The following LUZP2 variants were observed in gnomAD, a reference collection of about 807,000 sequenced individuals.
The protein encoded by LUZP2 is leucine zipper protein 2.
In LUZP2, 52 loss-of-function variants were observed where a neutral mutation model predicts 51.6. The ratio of observed to expected loss-of-function variants is 1.01; its 90% confidence interval spans 0.81 to 1.27. The LOEUF (loss-of-function observed/expected upper bound fraction) is 1.27. LUZP2 is among the 50% of genes most tolerant of loss of function. The pLI is 0.00. For missense variants in LUZP2, 436 were observed against 395.4 expected, an observed-to-expected ratio of 1.10 and a Z score of -0.87; for synonymous variants, 154 against 137.3, an observed-to-expected ratio of 1.12 and a Z score of -0.85.
At chr11:24,824,324 C>T (rs1252105646) in intron 5 of LUZP2, among the ~76,000 whole-genome samples, 1 of 129,820 alleles carries the variant, frequency 7.7e-6, no homozygotes, top group Non-Finnish European at 1.6e-5. Flanking sequence ...CAAGATTACA[C>T]CATTGCACTC....
chr11:24,979,272 A>T (rs550834276), intron 8 of LUZP2, among the ~76,000 whole-genome samples: 11 of 151,874 alleles, frequency 7.2e-5, no homozygotes, highest in African/African-American at 2.6e-4. Context: ...CCTTTTAGTA[A>T]CTATAAATGC....
intron 1 of LUZP2, among the ~76,000 whole-genome samples, chr11:24,516,448 A>G (rs530833068): frequency 6.6e-6 from 1 of 152,330 alleles, no homozygotes; most frequent in African/African-American, 2.4e-5. Flanking sequence ...GCTAAAAGTT[A>G]AAGTTGTGCT....
intron 5 of LUZP2, among the ~76,000 whole-genome samples, chr11:24,820,116 G>GA (rs1407369160): frequency 6.6e-6 from 1 of 151,962 alleles, no homozygotes; most frequent in Non-Finnish European, 1.5e-5. Context: ...TGAGACAAAA[G>GA]AAAAAAATAT....
chr11:24,964,940 G>A (rs1306900973), intron 7 of LUZP2, among the ~76,000 whole-genome samples: 1 of 151,736 alleles, frequency 6.6e-6, no homozygotes, highest in Non-Finnish European at 1.5e-5. Flanking sequence ...TTTAATGATA[G>A]AGTAAGTAAA....
At chr11:25,017,723 G>A (rs990698115) in intron 9 of LUZP2, among the ~76,000 whole-genome samples, 1 of 151,270 alleles carries the variant, frequency 6.6e-6, no homozygotes, top group South Asian at 2.1e-4. Context: ...TGTTGTTGTT[G>A]TTGTTATGTG....
intron 4 of LUZP2, among the ~76,000 whole-genome samples, chr11:24,739,349 A>T (rs1295004876): frequency 6.6e-6 from 1 of 152,006 alleles, no homozygotes; most frequent in Non-Finnish European, 1.5e-5. Context: ...GCAACTCCAC[A>T]GTGGCCTGAG....
At chr11:24,567,681 C>A (rs1852289110) in intron 1 of LUZP2, among the ~76,000 whole-genome samples, 1 of 151,948 alleles carries the variant, frequency 6.6e-6, no homozygotes. Flanking sequence ...AAAAGACTTT[C>A]AAACTGTTGA....
intron 7 of LUZP2, among the ~76,000 whole-genome samples, chr11:24,959,948 T>A (rs1188103237): frequency 6.6e-6 from 1 of 152,066 alleles, no homozygotes; most frequent in Non-Finnish European, 1.5e-5. Context: ...TTATTGAGAG[T>A]TTTTAGCATG....
chr11:24,949,241 C>A (rs1032641809), intron 7 of LUZP2, among the ~76,000 whole-genome samples: 2 of 151,268 alleles, frequency 1.3e-5, no homozygotes, highest in African/African-American at 4.8e-5. Context: ...TGATGTCTAC[C>A]TACATCCTCT....
At chr11:25,063,368 A>G (rs1050529655) in intron 10 of LUZP2, among the ~76,000 whole-genome samples, 2 of 151,682 alleles carry the variant, frequency 1.3e-5, no homozygotes, top group African/African-American at 4.8e-5. Flanking sequence ...TGTACACTGA[A>G]TTGTGAAAAT....
chr11:24,735,201 T>C (rs894170326), intron 3 of LUZP2, among the ~76,000 whole-genome samples: 1 of 151,876 alleles, frequency 6.6e-6, no homozygotes, highest in Non-Finnish European at 1.5e-5. Flanking sequence ...TTTGCATGTA[T>C]GCACTTATGT....
intron 1 of LUZP2, among the ~76,000 whole-genome samples, chr11:24,628,321 T>C (rs1045529967): frequency 1.2e-4 from 18 of 152,112 alleles, no homozygotes; most frequent in Non-Finnish European, 2.1e-4. Flanking sequence ...TTTTGCTTTG[T>C]TCAAAACATT....
At chr11:24,716,563 G>T (rs1308257935) in intron 1 of LUZP2, among the ~76,000 whole-genome samples, 2 of 152,088 alleles carry the variant, frequency 1.3e-5, no homozygotes, top group South Asian at 4.1e-4. Context: ...CAACACTTCT[G>T]CCAGTCCAAA....
intron 7 of LUZP2, among the ~76,000 whole-genome samples, chr11:24,959,680 A>C (rs1207165306): frequency 6.6e-6 from 1 of 152,328 alleles, no homozygotes; most frequent in African/African-American, 2.4e-5. Context: ...CTAGATATAC[A>C]ATCATGTTGA....
intron 1 of LUZP2, among the ~76,000 whole-genome samples, chr11:24,678,190 T>G (rs1233662182): frequency 6.6e-6 from 1 of 152,118 alleles, no homozygotes; most frequent in African/African-American, 2.4e-5. Flanking sequence ...GGTATTTTAA[T>G]CACTAAAATG....
chr11:24,565,955 G>A (rs1268769927), intron 1 of LUZP2, among the ~76,000 whole-genome samples: 1 of 151,914 alleles, frequency 6.6e-6, no homozygotes, highest in Non-Finnish European at 1.5e-5. Context: ...TTTAAAAATT[G>A]TATTAATAGT....
intron 9 of LUZP2, among the ~76,000 whole-genome samples, chr11:24,988,350 A>C (rs11028323): frequency 0.4 from 60,249 of 151,848 alleles, 14,392 homozygotes; most frequent in East Asian, 0.78. Flanking sequence ...TAGAAGGTAA[A>C]ATTTTTTTTC....
intron 1 of LUZP2, among the ~76,000 whole-genome samples, chr11:24,497,805 C>T (rs1362355347): frequency 6.6e-6 from 1 of 152,156 alleles, no homozygotes; most frequent in Non-Finnish European, 1.5e-5. Context: ...TCCTGGACTC[C>T]TGAAATGGCA....
chr11:24,898,640 A>C (rs1215610725), intron 5 of LUZP2, among the ~76,000 whole-genome samples: 1 of 151,910 alleles, frequency 6.6e-6, no homozygotes, highest in African/African-American at 2.4e-5. Flanking sequence ...AAAAAAAAAA[A>C]ACAAGAGTTT....
Sources: gnomAD v4.1 joint callset for allele counts (sites outside exome capture counted in the v4.1 genomes callset) on GRCh38, gnomAD v4.1.1 for gene constraint, MANE v1.5 for transcripts, NCBI Gene and HGNC (gene_info 2026-07-23, HGNC 2026-07-21) for gene names.